STARD3: variants seen among roughly 807,000 people sequenced by gnomAD.
STARD3 encodes stAR-related lipid transfer protein 3.
Under a neutral mutation model 62.0 loss-of-function variants are expected in STARD3, and 39 were observed. That is an observed-to-expected ratio of 0.63 (90% CI 0.49 to 0.82). The LOEUF is 0.82. Among genes scored for constraint, STARD3 ranks in the 40% least tolerant of loss-of-function variants. STARD3 has a pLI of 0.00. For synonymous variants in STARD3, 229 were observed against 242.4 expected, an observed-to-expected ratio of 0.94 and a Z score of 0.51; for missense variants, 543 against 584.5, an observed-to-expected ratio of 0.93 and a Z score of 0.73.
intron 1 of STARD3, chr17:39,653,175 G>A (rs556705340): frequency 1.6e-4 from 57 of 365,626 alleles, no homozygotes; most frequent in African/African-American, 1.0e-3. Flanking sequence ...GCAGGCTACA[G>A]CCCCAGGGAT....
At position 39,658,792 on chromosome 17, in the gene STARD3, G is replaced by A; in HGVS notation, c.618G>A (p.Gln206=). Reference sequence around the variant, plus strand: ...TCTCCGGTGCTCTGTCCGAGGGACAGTTCTATTCACCCCCAGAATCCTTTG... The same window carrying A: ...TCTCCGGTGCTCTGTCCGAGGGACAATTCTATTCACCCCCAGAATCCTTTG... ...LLFSGALSEG[Q]FYSPPESFAG... is the part of the protein sequence containing the mutation. The change falls in exon 7 of 15, where the codon CAG becomes CAA. Residue 206 remains glutamine (Q), a synonymous_variant. Coordinates refer to ENST00000336308, the MANE Select transcript of STARD3 (RefSeq NM_006804.4). The A allele has an allele frequency of 6.2e-7, 1 of 1,614,066 alleles. No homozygotes were observed. The highest frequency in any genetic ancestry group is 8.5e-7 in the Non-Finnish European group (1 of 1,180,008).
At chr17:39,642,625 G>T (rs2056991513) in intron 1 of STARD3, among the ~76,000 whole-genome samples, 1 of 152,184 alleles carries the variant, frequency 6.6e-6, no homozygotes, top group African/African-American at 2.4e-5. Flanking sequence ...CATGGAGTTC[G>T]CATGCCAGTG....
intron 5 of STARD3, 81 bp downstream of exon 5, chr17:39,658,107 T>G: frequency 1.4e-6 from 2 of 1,449,816 alleles, no homozygotes; most frequent in East Asian, 4.9e-5. Context: ...TTCTCTAATT[T>G]GGGGTGTCTG....
intron 1 of STARD3, among the ~76,000 whole-genome samples, chr17:39,641,987 A>C (rs1443095829): frequency 1.3e-5 from 2 of 152,196 alleles, no homozygotes; most frequent in Non-Finnish European, 2.9e-5. Context: ...CAGAGTTCTG[A>C]AAGGTCAGGG....
At chr17:39,646,879 C>G (rs1352450374) in intron 1 of STARD3, among the ~76,000 whole-genome samples, 2 of 152,150 alleles carry the variant, frequency 1.3e-5, no homozygotes, top group Non-Finnish European at 2.9e-5. Flanking sequence ...CCCTCCCCAC[C>G]CGCTTCCCCC....
rs1462292389 is a variant in STARD3 at position 39,637,183 on chromosome 17, G to A, written c.-100G>A. On this transcript the variant is annotated 5_prime_UTR_variant, in exon 1 of 15. Transcript: ENST00000336308. ...AGGCGCTACTGAGGCCGCGGAGCCG[G>A]ACTGCGGTTGGGGCGGGAAGAGCCG... 1 of 152,338 alleles carries A rather than the reference G, an allele frequency of 6.6e-6. No homozygotes were observed. The highest frequency in any genetic ancestry group is 6.5e-5 in the Admixed American group (1 of 15,294). The allele number at this position is 152,338 out of a possible 1,614,324, so 9.4% of individuals were successfully genotyped here.
intron 2 of STARD3, among the ~76,000 whole-genome samples, chr17:39,654,646 A>G (rs930374595): frequency 3.9e-5 from 6 of 152,206 alleles, no homozygotes; most frequent in African/African-American, 1.4e-4. Flanking sequence ...CCCCAGGCTC[A>G]GTTCTGTCCC....
At position 39,653,583 on chromosome 17, in the gene STARD3, G is replaced by A. The variant is rs1237519672; in HGVS notation, c.52G>A (p.Ala18Thr). ...CCGAGACTTGGAGCGCAGCCTGCCT[G>A]CCGTGGCCTCCCTGGGCTCCTCACT... The part of the protein sequence containing the change: ...LTRDLERSLP[A>T]VASLGSSLSH... The change falls in exon 2 of 15, where the codon GCC becomes ACC. Residue 18 changes from alanine to threonine, a missense_variant. Coordinates refer to ENST00000336308, the MANE Select transcript of STARD3 (RefSeq NM_006804.4). 2 of 1,610,614 alleles carry A rather than the reference G, an allele frequency of 1.2e-6. No individual in the cohort carries two copies. The highest frequency in any genetic ancestry group is 1.7e-6 in the Non-Finnish European group (2 of 1,180,008).
intron 1 of STARD3, among the ~76,000 whole-genome samples, chr17:39,644,689 G>A (rs77520940): frequency 0.016 from 1,866 of 116,010 alleles, 52 homozygotes; most frequent in African/African-American, 0.054. Context: ...AAAAAAAAAA[G>A]AAGAAGAAAA....
intron 1 of STARD3, among the ~76,000 whole-genome samples, chr17:39,637,935 A>G (rs997991914): frequency 1.3e-5 from 2 of 152,054 alleles, no homozygotes; most frequent in African/African-American, 4.8e-5. Flanking sequence ...ACCCAGATCC[A>G]CATCTTCAGC....
chr17:39,660,064 T>C lies in STARD3; in HGVS notation c.796-147T>C. The C allele has an allele frequency of 1.4e-6, 1 of 734,814 alleles. No homozygotes were observed. The highest frequency in any genetic ancestry group is 2.4e-6 in the Non-Finnish European group (1 of 422,624). The allele number at this position is 734,814 out of a possible 1,614,324, so 45.5% of individuals were successfully genotyped here. Reference sequence around the variant, plus strand: ...CCATAGGTTTGTTAGAGCTACTGTTTTGTAACAGCTGCTCAGGTGTCCCCA... The same window carrying C: ...CCATAGGTTTGTTAGAGCTACTGTTCTGTAACAGCTGCTCAGGTGTCCCCA... On this transcript the variant is annotated intron_variant, in intron 9 of 14. Transcript: ENST00000336308. The surrounding 1 kb of genome is among the most constrained non-coding windows in gnomAD (Gnocchi z 4.8).
At chr17:39,655,476 G>C (rs2057118177) in intron 2 of STARD3, among the ~76,000 whole-genome samples, 1 of 152,076 alleles carries the variant, frequency 6.6e-6, no homozygotes, top group South Asian at 2.1e-4. Flanking sequence ...GAGCCACTGT[G>C]CCTGGCCTCT....
intron 1 of STARD3, among the ~76,000 whole-genome samples, chr17:39,640,674 C>G (rs2056975631): frequency 1.3e-5 from 2 of 150,948 alleles, no homozygotes; most frequent in African/African-American, 4.8e-5. Context: ...TTCACTGGCC[C>G]TGAGTGGGTC....
Position 39,653,546 on chromosome 17 carries a change from C to T in STARD3, c.15C>T (p.Pro5=), listed in dbSNP as rs2144979536. MSKL[P]RELTRDLERS... is the part of the protein sequence containing the mutation. Reference sequence around the variant, plus strand: ...GGCCCACCAGGATGAGCAAGCTGCCCAGGGAGCTGACCCGAGACTTGGAGC... The same window carrying T: ...GGCCCACCAGGATGAGCAAGCTGCCTAGGGAGCTGACCCGAGACTTGGAGC... The change falls in exon 2 of 15, where the codon CCC becomes CCT. Residue 5 remains proline (P), a synonymous_variant. Transcript: ENST00000336308. The T allele has an allele frequency of 1.9e-6, 3 of 1,604,558 alleles. No individual in the cohort carries two copies. Among genetic ancestry groups the T allele is most frequent in the Admixed American group, 1.7e-5 (1 of 59,996 alleles).
Position 39,663,402 on chromosome 17 carries a change from A to G in STARD3, c.*494A>G. On this transcript the variant is annotated 3_prime_UTR_variant, in exon 15 of 15. Transcript: ENST00000336308. ...CTGGCCATGAATCTCTGCCTCTCCC[A>G]GGCTGTCCCCCTCCTCCCAGGGCCT... 3.9e-6 allele frequency: 1 copy of G among 254,342 alleles called. No homozygotes were observed. Among genetic ancestry groups the G allele is most frequent in the East Asian group, 6.9e-5 (1 of 14,532 alleles). The allele number at this position is 254,342 out of a possible 1,614,324, so 15.8% of individuals were successfully genotyped here.
At chr17:39,657,695 A>T in intron 3 of STARD3, 80 bp from the exon 4 acceptor site, 1 of 1,506,242 alleles carries the variant, frequency 6.6e-7, no homozygotes, top group Non-Finnish European at 9.2e-7. Flanking sequence ...ACGTGGGGGC[A>T]GGACCAGAGG....
chr17:39,648,433 C>T lies in STARD3; in HGVS notation c.-51-5048C>T, dbSNP rs115760475. ...AGTGAGCCATGTTCACGCCTCTGGA[C>T]TCCAGCCTGGATGACAGAGTGAGAT... On this transcript the variant is annotated intron_variant, in intron 1 of 14. Transcript: ENST00000336308. 9.7e-3 allele frequency among the ~76,000 whole-genome samples: 1,484 copies of T among 152,288 alleles called. 27 individuals are homozygous for T. Among genetic ancestry groups the T allele is most frequent in the African/African-American group, 0.033 (1,375 of 41,560 alleles).
intron 1 of STARD3, among the ~76,000 whole-genome samples, chr17:39,642,256 C>T (rs758992977): frequency 3.9e-5 from 6 of 152,338 alleles, no homozygotes; most frequent in Non-Finnish European, 7.4e-5. Flanking sequence ...ATCAAAGACT[C>T]AAGGTTAACT....
chr17:39,639,815 CCTG>C (rs2056967234), intron 1 of STARD3, among the ~76,000 whole-genome samples: 1 of 152,196 alleles, frequency 6.6e-6, no homozygotes, highest in Non-Finnish European at 1.5e-5. Flanking sequence ...CTTTTGCCTC[CCTG>C]TAATGCCCAC....
Sources: gnomAD v4.1 joint callset for allele counts (sites outside exome capture counted in the v4.1 genomes callset) on GRCh38, gnomAD v4.1.1 for gene constraint, Gnocchi (gnomAD v3.1) non-coding constraint, MANE v1.5 for transcripts, NCBI Gene and HGNC (gene_info 2026-07-23, HGNC 2026-07-21) for gene names.